SEC63: variants seen among roughly 807,000 people sequenced by gnomAD.
SEC63 encodes the protein SEC63 protein translocation regulator.
Under a neutral mutation model 116.2 loss-of-function variants are expected in SEC63, and 56 were observed. That is an observed-to-expected ratio of 0.48 (90% confidence interval 0.39 to 0.60). SEC63 has a LOEUF of 0.60. SEC63 is among the 20% of genes least tolerant of loss of function. The pLI is 0.00. For synonymous variants in SEC63, 273 were observed against 294.6 expected (o/e 0.93, Z 0.75); for missense variants, 668 against 900.0 (o/e 0.74, Z 3.30).
chr6:107,904,874 G>A (rs1309065895), intron 10 of SEC63, among the ~76,000 whole-genome samples, 153 bp from the exon 11 acceptor site: 1 of 152,150 alleles, frequency 6.6e-6, no homozygotes, highest in East Asian at 1.9e-4. Flanking sequence ...TTTCTCCTCA[G>A]TATCACTATG....
At chr6:107,896,886 G>A (rs1786850839) in intron 14 of SEC63, among the ~76,000 whole-genome samples, 2 of 151,954 alleles carry the variant, frequency 1.3e-5, no homozygotes, top group South Asian at 2.1e-4. Flanking sequence ...GGCTGAGGCA[G>A]GAGAATCACT....
intron 17 of SEC63, 148 bp downstream of exon 17, chr6:107,882,840 T>C (rs1211902668): frequency 2.8e-5 from 16 of 572,080 alleles, no homozygotes; most frequent in Non-Finnish European, 4.2e-5. Context: ...AAAAACGTTC[T>C]TCAAAGTAAT....
chr6:107,869,407 TTAAC>T lies in SEC63; in HGVS notation c.*2293_*2296del, dbSNP rs1450989498. ...CAATTAGAGAAAAATATCACATAAT[TTAAC>T]TGTTTCAATTTCACTTCCTATACAC... On this transcript the variant is annotated 3_prime_UTR_variant, in exon 21 of 21. Transcript: ENST00000369002. The T allele has an allele frequency of 1.3e-5, 2 of 152,204 alleles. No individual in the cohort carries two copies. Among genetic ancestry groups the T allele is most frequent in the Non-Finnish European group, 2.9e-5 (2 of 68,038 alleles). The allele number at this position is 152,204 out of a possible 1,614,324, so 9.4% of individuals were successfully genotyped here.
chr6:107,943,087 T>C (rs1339282200), intron 1 of SEC63, among the ~76,000 whole-genome samples: 1 of 152,178 alleles, frequency 6.6e-6, no homozygotes, highest in African/African-American at 2.4e-5. Flanking sequence ...TATGGTGATA[T>C]GGAATTTACT....
At chr6:107,886,795 C>T (rs1786538638) in intron 16 of SEC63, among the ~76,000 whole-genome samples, 1 of 148,548 alleles carries the variant, frequency 6.7e-6, no homozygotes, top group African/African-American at 2.5e-5. Flanking sequence ...AACTTTCTCC[C>T]ATTCTGTGGG....
chr6:107,948,637 T>C (rs1218311750), intron 1 of SEC63, among the ~76,000 whole-genome samples: 2 of 152,166 alleles, frequency 1.3e-5, no homozygotes, highest in Non-Finnish European at 2.9e-5. Flanking sequence ...ACCCAAAATA[T>C]GGCATTTTGA....
At chr6:107,892,071 G>A (rs920183862) in intron 16 of SEC63, among the ~76,000 whole-genome samples, 5 of 152,168 alleles carry the variant, frequency 3.3e-5, no homozygotes, top group East Asian at 1.9e-4. Context: ...ATCAGAGCTC[G>A]AATGCTGTGC....
At chr6:107,952,047 C>T (rs1306881608) in intron 1 of SEC63, among the ~76,000 whole-genome samples, 1 of 151,670 alleles carries the variant, frequency 6.6e-6, no homozygotes, top group Non-Finnish European at 1.5e-5. Flanking sequence ...CCAAGGAAAT[C>T]TAAGCCCTCC....
intron 20 of SEC63, 68 bp from the exon 21 acceptor site, chr6:107,871,915 C>G: frequency 6.5e-7 from 1 of 1,546,834 alleles, no homozygotes; most frequent in South Asian, 1.1e-5. Context: ...TCTTGGTAAA[C>G]AAAAGGTTTT....
At chr6:107,953,379 C>A (rs973147148) in intron 1 of SEC63, among the ~76,000 whole-genome samples, 1 of 152,184 alleles carries the variant, frequency 6.6e-6, no homozygotes, top group African/African-American at 2.4e-5. Context: ...AGATTTGCCC[C>A]GTCCGGGAAG....
At chr6:107,908,083 C>T (rs1787183903) in intron 8 of SEC63, among the ~76,000 whole-genome samples, 2 of 152,212 alleles carry the variant, frequency 1.3e-5, no homozygotes, top group Non-Finnish European at 2.9e-5. Flanking sequence ...CACACACAGT[C>T]ATATATGACC....
chr6:107,893,772 A>G, intron 15 of SEC63, 66 bp downstream of exon 15: 1 of 1,603,274 alleles, frequency 6.2e-7, no homozygotes, highest in Non-Finnish European at 8.5e-7. Context: ...AATATAAGTC[A>G]ATTGGAAAAG....
intron 6 of SEC63, among the ~76,000 whole-genome samples, chr6:107,911,715 T>C (rs1434833508): frequency 6.6e-6 from 1 of 152,212 alleles, no homozygotes; most frequent in Non-Finnish European, 1.5e-5. Flanking sequence ...TACCTTTTAA[T>C]TTTTTATTTA....
chr6:107,957,763 C>G, intron 1 of SEC63, 123 bp downstream of exon 1: 1 of 1,082,044 alleles, frequency 9.2e-7, no homozygotes, highest in Non-Finnish European at 1.2e-6. Flanking sequence ...GGACACAGGC[C>G]GGGCCGCACC....
rs566079762 is a variant in SEC63 at position 107,869,896 on chromosome 6, C to G, written c.*1808G>C. 3 of 25,104 alleles carry G rather than the reference C, an allele frequency of 1.2e-4. No homozygotes were observed. The Admixed American group carries it at 1.5e-3, about 13-fold the overall frequency. The allele number at this position is 25,104 out of a possible 1,614,324, so 1.6% of individuals were successfully genotyped here. On this transcript the variant is annotated 3_prime_UTR_variant, in exon 21 of 21. Coordinates refer to ENST00000369002, the MANE Select transcript of SEC63 (RefSeq NM_007214.5). ...ATAAAGCCTCTTTAAGGCAAAGTAG[C>G]CACTAGAAAAAAAAAAACAACTTTT...
intron 1 of SEC63, among the ~76,000 whole-genome samples, chr6:107,935,353 G>T: frequency 6.6e-6 from 1 of 151,780 alleles, no homozygotes; most frequent in Middle Eastern, 3.4e-3. Flanking sequence ...TAGAAAGGGG[G>T]GAAAGGTGGG....
At chr6:107,952,659 G>A (rs1206409695) in intron 1 of SEC63, among the ~76,000 whole-genome samples, 8 of 152,136 alleles carry the variant, frequency 5.3e-5, no homozygotes, top group African/African-American at 9.7e-5. Flanking sequence ...TTGGGAGGCC[G>A]AGGTGGGAGA....
intron 4 of SEC63, among the ~76,000 whole-genome samples, chr6:107,915,978 A>G (rs1787391493): frequency 6.6e-6 from 1 of 152,230 alleles, no homozygotes; most frequent in African/African-American, 2.4e-5. Context: ...GTTTAACCAC[A>G]TAACTGAGTT....
At chr6:107,950,492 C>T (rs913539130) in intron 1 of SEC63, among the ~76,000 whole-genome samples, 1 of 152,128 alleles carries the variant, frequency 6.6e-6, no homozygotes. Context: ...TGCCATGGGA[C>T]GTTTTGCAGG....
Sources: allele counts gnomAD v4.1 joint callset (sites outside exome capture counted in the v4.1 genomes callset), GRCh38; gene constraint gnomAD v4.1.1; transcripts MANE v1.5; gene names NCBI Gene and HGNC (gene_info 2026-07-23, HGNC 2026-07-21).